TRPM3: variants seen among roughly 807,000 people sequenced by gnomAD.
TRPM3 encodes long transient receptor potential channel 3.
TRPM3 carries 77 observed loss-of-function variants against 181.2 expected under a neutral mutation model. The observed-to-expected ratio is 0.42, with a 90% CI of 0.35 to 0.51. The LOEUF (loss-of-function observed/expected upper bound fraction) is 0.51. Ranked by LOEUF, TRPM3 falls within the 20% of genes least tolerant of loss-of-function variation. The probability of loss-of-function intolerance (pLI) is 0.01; values close to 1 mark genes in which losing one functional copy is unlikely to be tolerated. For missense variants in TRPM3, 1,759 were observed against 2,196.7 expected, an observed-to-expected ratio of 0.80 and a Z score of 3.98; for synonymous variants, 745 against 796.4, an observed-to-expected ratio of 0.94 and a Z score of 1.09.
Position 70,761,568 on chromosome 9 carries a change from G to GCC in TRPM3, c.1272+32_1272+33insGG, listed in dbSNP as rs2078150104. The GCC allele has an allele frequency of 1.9e-6, 3 of 1,613,746 alleles. No homozygotes were observed. The African/African-American group carries it at 4.0e-5, about 22-fold the overall frequency. ...ATTCAAGAAAATGACTGAAAATGTG[G>GCC]AGACAGCTGGCCACCCATGCGGAAT... On this transcript the variant is annotated intron_variant, in intron 8 of 25. Coordinates refer to ENST00000677713, the MANE Select transcript of TRPM3 (RefSeq NM_001366145.2).
chr9:71,042,904 T>G (rs1196073144), intron 1 of TRPM3, among the ~76,000 whole-genome samples: 1 of 152,198 alleles, frequency 6.6e-6, no homozygotes, highest in East Asian at 1.9e-4. Context: ...AAAGTATAGG[T>G]AATAAAATCA....
chr9:71,034,555 G>A (rs1189457249), intron 1 of TRPM3, among the ~76,000 whole-genome samples: 1 of 152,024 alleles, frequency 6.6e-6, no homozygotes, highest in Non-Finnish European at 1.5e-5. Flanking sequence ...GGTGGGGTGT[G>A]CAGCAGTTAA....
chr9:71,083,958 G>A (rs1045919802), intron 1 of TRPM3, among the ~76,000 whole-genome samples: 1 of 151,836 alleles, frequency 6.6e-6, no homozygotes, highest in Non-Finnish European at 1.5e-5. Context: ...TCCTGGCATA[G>A]GGCATCCGAA....
chr9:70,878,918 C>A (rs1422656805), intron 1 of TRPM3, among the ~76,000 whole-genome samples: 1 of 152,100 alleles, frequency 6.6e-6, no homozygotes, highest in Non-Finnish European at 1.5e-5. Context: ...ACACCCTGTG[C>A]TGGAGGAAAA....
chr9:70,855,735 G>A (rs2095368697), intron 3 of TRPM3, among the ~76,000 whole-genome samples: 1 of 152,120 alleles, frequency 6.6e-6, no homozygotes, highest in African/African-American at 2.4e-5. Flanking sequence ...TTTAAAATGG[G>A]CACTTGTAAT....
chr9:71,221,284 T>G (rs2080224661), intron 1 of TRPM3, among the ~76,000 whole-genome samples: 1 of 152,334 alleles, frequency 6.6e-6, no homozygotes, highest in Non-Finnish European at 1.5e-5. Context: ...GGACATTTAC[T>G]GGAAAAGTTT....
At chr9:70,644,764 A>T (rs1483270159) in intron 9 of TRPM3, among the ~76,000 whole-genome samples, 1 of 152,182 alleles carries the variant, frequency 6.6e-6, no homozygotes, top group South Asian at 2.1e-4. Flanking sequence ...GAGGAAGTCA[A>T]ATTGTTTCTG....
At chr9:70,807,132 A>T (rs1349467652) in intron 6 of TRPM3, among the ~76,000 whole-genome samples, 1 of 152,196 alleles carries the variant, frequency 6.6e-6, no homozygotes, top group African/African-American at 2.4e-5. Context: ...TTAGCCATGC[A>T]CTTCTACTAA....
Position 71,039,235 on chromosome 9 carries a change from G to A in TRPM3, c.177+81943C>T, listed in dbSNP as rs1204138200. On this transcript the variant is annotated intron_variant, in intron 1 of 25. Transcript: ENST00000677713. ...CTGAACTTTCTGGTGCTTCAGTCTTGAGCAAAGCTTTCTGTCTCTAAGCTT... is the reference window on the plus strand; with the variant it reads ...CTGAACTTTCTGGTGCTTCAGTCTTAAGCAAAGCTTTCTGTCTCTAAGCTT... Among the ~76,000 whole-genome samples, 3 of 152,094 alleles carry A rather than the reference G, an allele frequency of 2.0e-5. No homozygotes were observed. In the South Asian group the frequency reaches 6.2e-4, roughly 32 times the overall value.
At chr9:71,017,847 T>A (rs2097797046) in intron 1 of TRPM3, among the ~76,000 whole-genome samples, 1 of 151,832 alleles carries the variant, frequency 6.6e-6, no homozygotes, top group Non-Finnish European at 1.5e-5. Context: ...CTGACATACA[T>A]AGAACTCTAT....
At chr9:71,210,059 C>A (rs1401851707) in intron 1 of TRPM3, among the ~76,000 whole-genome samples, 1 of 152,212 alleles carries the variant, frequency 6.6e-6, no homozygotes, top group Non-Finnish European at 1.5e-5. Flanking sequence ...AGGAGGTGAG[C>A]GTCAGGGGAC....
At chr9:71,272,032 G>C (rs565795119) in intron 1 of TRPM3, among the ~76,000 whole-genome samples, 8 of 152,280 alleles carry the variant, frequency 5.3e-5, no homozygotes, top group Non-Finnish European at 7.3e-5. Flanking sequence ...GGTTAACGGA[G>C]GGGGTATATT....
intron 1 of TRPM3, among the ~76,000 whole-genome samples, chr9:71,425,894 T>C (rs1167660546): frequency 6.6e-6 from 1 of 152,124 alleles, no homozygotes; most frequent in African/African-American, 2.4e-5. Flanking sequence ...CCAAGTTCTT[T>C]ACTGTTGAAG....
intron 12 of TRPM3, among the ~76,000 whole-genome samples, chr9:70,631,856 A>T (rs1474598508): frequency 6.6e-6 from 1 of 152,212 alleles, no homozygotes; most frequent in Non-Finnish European, 1.5e-5. Flanking sequence ...AAGAAGAGGT[A>T]AACTGGAGAT....
intron 22 of TRPM3, among the ~76,000 whole-genome samples, chr9:70,556,676 C>T (rs924561280): frequency 2.6e-5 from 4 of 152,066 alleles, no homozygotes; most frequent in African/African-American, 4.8e-5. Context: ...GAGCTGAGAT[C>T]GTGTCACTGG....
At chr9:71,085,198 A>G (rs1013253201) in intron 1 of TRPM3, among the ~76,000 whole-genome samples, 15 of 152,096 alleles carry the variant, frequency 9.9e-5, no homozygotes, top group Non-Finnish European at 1.5e-4. Context: ...CCTAGGAAAC[A>G]TCATTCTGGA....
chr9:71,212,641 C>G (rs911557977), intron 1 of TRPM3, among the ~76,000 whole-genome samples: 3 of 152,134 alleles, frequency 2.0e-5, no homozygotes, highest in African/African-American at 7.2e-5. Flanking sequence ...CCCATAAATG[C>G]TCCTCTTAGA....
At chr9:70,880,947 T>C (rs1024922358) in intron 1 of TRPM3, among the ~76,000 whole-genome samples, 4 of 152,136 alleles carry the variant, frequency 2.6e-5, no homozygotes, top group Non-Finnish European at 5.9e-5. Flanking sequence ...GATTTTTCCT[T>C]TGCTTCAGTT....
At chr9:71,053,594 A>C (rs1367023224) in intron 1 of TRPM3, among the ~76,000 whole-genome samples, 2 of 152,038 alleles carry the variant, frequency 1.3e-5, no homozygotes, top group Non-Finnish European at 2.9e-5. Context: ...CAATTGTGTT[A>C]TTTTTCAGCT....
Sources: gnomAD v4.1 joint callset for allele counts (sites outside exome capture counted in the v4.1 genomes callset) on GRCh38, gnomAD v4.1.1 for gene constraint, MANE v1.5 for transcripts, NCBI Gene and HGNC (gene_info 2026-07-23, HGNC 2026-07-21) for gene names.